Variants in MPP2 observed in about 807,000 individuals in gnomAD.
MPP2 encodes MAGUK p55 subfamily member 2.
In MPP2, 42 loss-of-function variants were observed where a neutral mutation model predicts 58.5. The ratio of observed to expected loss-of-function variants is 0.72; its 90% CI spans 0.56 to 0.93. The LOEUF (loss-of-function observed/expected upper bound fraction) is 0.93, where lower values mean the gene tolerates loss of function less well. MPP2 is among the 40% of genes least tolerant of loss of function. MPP2 has a pLI of 0.00. For missense variants in MPP2, 632 were observed against 760.4 expected (o/e 0.83, Z 1.99); for synonymous variants, 300 against 307.8 (o/e 0.97, Z 0.26).
intron 3 of MPP2, among the ~76,000 whole-genome samples, chr17:43,890,823 G>T (rs1299569115): frequency 6.6e-6 from 1 of 151,398 alleles, no homozygotes; most frequent in African/African-American, 2.4e-5. Context: ...CATGGAAAGG[G>T]GTCTGGCCAT....
In MPP2 at chr17:43,904,425, C is replaced by T; in HGVS notation, c.31+5G>A. On this transcript the variant is annotated splice_donor_5th_base_variant and intron_variant, in intron 2 of 12. Transcript: ENST00000269095. ...AATAAGCTAACATCCTCACCCCCTTCTTACCAGTTTCAGAGTTGGTGGCGG... is the reference window on the plus strand; with the variant it reads ...AATAAGCTAACATCCTCACCCCCTTTTTACCAGTTTCAGAGTTGGTGGCGG... The T allele has an allele frequency of 6.2e-7, 1 of 1,613,972 alleles. No individual in the cohort carries two copies. Among genetic ancestry groups the T allele is most frequent in the Non-Finnish European group, 8.5e-7 (1 of 1,179,866 alleles).
At position 43,879,949 on chromosome 17, in the gene MPP2, C is replaced by G; in HGVS notation, c.1186G>C (p.Gly396Arg). 2.5e-6 allele frequency: 4 copies of G among 1,614,000 alleles called. No individual in the cohort carries two copies. The highest frequency in any genetic ancestry group is 3.4e-6 in the Non-Finnish European group (4 of 1,180,014). ...SRRPKDSERE[G>R]QGYSFVSRGE... ...CGGGACACAAAGCTGTAACCCTGACCTTCCCGCTCTGAGTCTTTCGGCCGC... is the reference window on the plus strand; with the variant it reads ...CGGGACACAAAGCTGTAACCCTGACGTTCCCGCTCTGAGTCTTTCGGCCGC... Residue 396 changes from glycine to arginine, a missense_variant, in exon 11 of 13, where the codon GGT becomes CGT. Coordinates refer to ENST00000269095, the MANE Select transcript of MPP2 (RefSeq NM_005374.5). The surrounding 1 kb of genome is among the most constrained non-coding windows in gnomAD (Gnocchi z 4.1).
chr17:43,888,916 T>C (rs1231154605), intron 3 of MPP2, among the ~76,000 whole-genome samples: 2 of 151,952 alleles, frequency 1.3e-5, no homozygotes, highest in Non-Finnish European at 2.9e-5. Context: ...AACAATTCAG[T>C]AGGCTGAACA....
chr17:43,909,485 G>T (rs948985617), upstream of MPP2: 4 of 1,104,646 alleles, frequency 3.6e-6, no homozygotes, highest in Admixed American at 7.4e-5. Context: ...TTTTGGAAGA[G>T]GAAGGATCTT....
rs1467109875 is a variant in MPP2, at chr17:43,880,741, T to C, written c.1100A>G (p.Lys367Arg). 6.2e-7 allele frequency: 1 copy of C among 1,613,940 alleles called. No homozygotes were observed. Among genetic ancestry groups the C allele is most frequent in the Admixed American group, 1.7e-5 (1 of 59,990 alleles). ...TGGATCCCACATGATGAGCTTGTTC[T>C]TCAGGCTGCGCCGTCCCACGCCCTG... ...GAQGVGRRSL[K>R]NKLIMWDPDR... Residue 367 changes from lysine (K) to arginine (R), a missense_variant, in exon 10 of 13, where the codon AAG becomes AGG. By Grantham distance (26) the Lys-to-Arg change is conservative. Coordinates refer to ENST00000269095, the MANE Select transcript of MPP2 (RefSeq NM_005374.5). This position sits in a 1 kb window ranked among gnomAD's most constrained non-coding sequence, Gnocchi z 5.2.
At position 43,876,097 on chromosome 17, in the gene MPP2, C is replaced by T. The variant is rs1412424224; in HGVS notation, c.*1710G>A. On this transcript the variant is annotated 3_prime_UTR_variant, in exon 13 of 13. Transcript: ENST00000269095. Reference sequence around the variant, plus strand: ...GAGATGGGGGCAGGCCTGGCCTTTCCACCCCATGTGTATAGTCTATGCAAA... The same window carrying T: ...GAGATGGGGGCAGGCCTGGCCTTTCTACCCCATGTGTATAGTCTATGCAAA... 1 of 152,596 alleles carries T rather than the reference C, an allele frequency of 6.6e-6. No homozygotes were observed. Among genetic ancestry groups the T allele is most frequent in the African/African-American group, 2.4e-5 (1 of 41,418 alleles). 9.5% of individuals were successfully genotyped at this position (152,596 alleles called of 1,614,324 possible).
chr17:43,896,894 G>A (rs997598696), intron 3 of MPP2, among the ~76,000 whole-genome samples: 3 of 151,650 alleles, frequency 2.0e-5, no homozygotes, highest in African/African-American at 4.9e-5. Context: ...TGCCTCCAAC[G>A]CAGCCATGGG....
chr17:43,896,795 T>C (rs188906808), intron 3 of MPP2, among the ~76,000 whole-genome samples: 4 of 152,112 alleles, frequency 2.6e-5, no homozygotes, highest in African/African-American at 7.2e-5. Flanking sequence ...TCCTGCTCCA[T>C]CTCTGATCCC....
intron 7 of MPP2, 26 bp downstream of exon 7, chr17:43,881,432 G>A: frequency 6.2e-7 from 1 of 1,614,086 alleles, no homozygotes; most frequent in East Asian, 2.2e-5. Flanking sequence ...CATACCTGGA[G>A]AGATGCGGGG....
chr17:43,902,752 A>T (rs1030608376), intron 2 of MPP2, among the ~76,000 whole-genome samples: 4 of 152,164 alleles, frequency 2.6e-5, no homozygotes, highest in African/African-American at 9.7e-5. Context: ...AAGGAGCTGC[A>T]TGGGAGGGAG....
Position 43,882,856 on chromosome 17 carries a change from TC to T in MPP2, c.453+46del, listed in dbSNP as rs781257046. On this transcript the variant is annotated intron_variant, in intron 5 of 12. Coordinates refer to ENST00000269095, the MANE Select transcript of MPP2 (RefSeq NM_005374.5). ...TTGTCCGTTCATTGGTTATTCTCAATCCCCCCACCCTCACCAGCACCACCTC... is the reference window on the plus strand; with the variant it reads ...TTGTCCGTTCATTGGTTATTCTCAATCCCCCACCCTCACCAGCACCACCTC... The T allele has an allele frequency of 1.9e-6, 3 of 1,606,708 alleles. No homozygotes were observed. In the African/African-American group the frequency reaches 4.0e-5, roughly 22 times the overall value.
intron 3 of MPP2, among the ~76,000 whole-genome samples, chr17:43,889,342 A>G (rs1597784099): frequency 6.8e-6 from 1 of 146,212 alleles, no homozygotes; most frequent in African/African-American, 2.5e-5. Flanking sequence ...CACCCTTCCC[A>G]CTTGCAGAAA....
In MPP2 at chr17:43,880,064, A is replaced by C; in HGVS notation, c.1151-80T>G. 2 of 1,393,226 alleles carry C rather than the reference A, an allele frequency of 1.4e-6. No homozygotes were observed. Among genetic ancestry groups the C allele is most frequent in the Non-Finnish European group, 2.0e-6 (2 of 999,894 alleles). The allele number at this position is 1,393,226 out of a possible 1,614,324, so 86.3% of individuals were successfully genotyped here. On this transcript the variant is annotated intron_variant, in intron 10 of 12. Transcript: ENST00000269095. This position sits in a 1 kb window ranked among gnomAD's most constrained non-coding sequence, Gnocchi z 5.2. ...CAGACACATATATGCACCCCTACCC[A>C]GGCCCCCGTTTCCCAGCCTTGGAGG...
chr17:43,879,806 C>T lies in MPP2; in HGVS notation c.1329G>A (p.Val443=). 2.5e-6 allele frequency: 4 copies of T among 1,613,778 alleles called. No individual in the cohort carries two copies. The highest frequency in any genetic ancestry group is 1.3e-5 in the African/African-American group (1 of 74,994). ...SIRGVVAAGK[V]CVLDVNPQAV... ...CCTGGGGGTTGACATCCAGCACGCA[C>T]ACCTTCCCAGCAGCGACCACGCCCC... The change falls in exon 11 of 13, where the codon GTG becomes GTA. Residue 443 remains valine (V), a synonymous_variant. Transcript: ENST00000269095. The surrounding 1 kb of genome is among the most constrained non-coding windows in gnomAD (Gnocchi z 4.1).
At position 43,880,598 on chromosome 17, in the gene MPP2, G is replaced by A. The variant is rs2047064526; in HGVS notation, c.1150+93C>T. 1.4e-6 allele frequency: 2 copies of A among 1,418,358 alleles called. No individual in the cohort carries two copies. The highest frequency in any genetic ancestry group is 2.9e-5 in the South Asian group (2 of 68,992). 87.9% of individuals were successfully genotyped at this position (1,418,358 alleles called of 1,614,324 possible). A position where few individuals can be genotyped will look rare whatever the true frequency, so the allele number is the denominator to read the frequency against. On this transcript the variant is annotated intron_variant, in intron 10 of 12. Transcript: ENST00000269095. This position sits in a 1 kb window ranked among gnomAD's most constrained non-coding sequence, Gnocchi z 5.2. ...ACCCAAAGGTACCACCTGGCCTGGT[G>A]CCCATGAAGATGCCCATTCGGTGGG...
At chr17:43,881,612 G>A (rs762288931) in intron 6 of MPP2, 23 bp from the exon 7 acceptor site, 11 of 1,610,904 alleles carry the variant, frequency 6.8e-6, no homozygotes, top group African/African-American at 1.3e-5. Flanking sequence ...ATCAGCAAAG[G>A]GTCGGGGGAA....
intron 1 of MPP2, chr17:43,907,265 T>A: frequency 1.0e-6 from 1 of 985,204 alleles, no homozygotes; most frequent in Non-Finnish European, 1.2e-6. Context: ...GGGACCAGTG[T>A]CAATGGGCAG....
At chr17:43,881,008 C>G in intron 9 of MPP2, 82 bp downstream of exon 9, 2 of 1,554,654 alleles carry the variant, frequency 1.3e-6, no homozygotes, top group Middle Eastern at 3.6e-4. Flanking sequence ...GCCAGGCACA[C>G]GTCGTCACAG....
intron 3 of MPP2, among the ~76,000 whole-genome samples, chr17:43,892,032 G>A (rs2047628575): frequency 6.6e-6 from 1 of 152,212 alleles, no homozygotes; most frequent in African/African-American, 2.4e-5. Context: ...ATCCATGTCA[G>A]CCGTCCCAGA....
Sources: allele counts gnomAD v4.1 joint callset (sites outside exome capture counted in the v4.1 genomes callset), GRCh38; gene constraint gnomAD v4.1.1; non-coding constraint Gnocchi (gnomAD v3.1); transcripts MANE v1.5; gene names NCBI Gene and HGNC (gene_info 2026-07-23, HGNC 2026-07-21).